ANK2: variants seen among roughly 807,000 people sequenced by gnomAD.
ANK2 encodes ankyrin-2.
ANK2 carries 83 observed loss-of-function variants against 360.5 expected under a neutral mutation model. That is an observed-to-expected ratio of 0.23 (90% confidence interval 0.19 to 0.28). The LOEUF (loss-of-function observed/expected upper bound fraction) is 0.28, where lower values mean the gene tolerates loss of function less well. Among genes scored for constraint, ANK2 ranks in the 10% least tolerant of loss-of-function variants. The pLI is 1.00. For missense variants in ANK2, 4,201 were observed against 4,795.7 expected (o/e 0.88, Z 3.66); for synonymous variants, 1,740 against 1,759.5 (o/e 0.99, Z 0.28).
chr4:113,331,017 C>T (rs2092314644), intron 27 of ANK2, among the ~76,000 whole-genome samples: 1 of 152,016 alleles, frequency 6.6e-6, no homozygotes, highest in South Asian at 2.1e-4. Context: ...ACAAATACAT[C>T]AAGACTAGCT....
intron 1 of ANK2, among the ~76,000 whole-genome samples, chr4:113,100,779 G>T (rs886095819): frequency 1.3e-5 from 2 of 152,062 alleles, no homozygotes; most frequent in African/African-American, 4.8e-5. Flanking sequence ...GTTTACAATG[G>T]AATATTATTC....
At chr4:112,861,869 A>AGAGAGAGAGAGAGAGAGAC in intron 1 of ANK2, among the ~76,000 whole-genome samples, 1 of 69,236 alleles carries the variant, frequency 1.4e-5, no homozygotes, top group Non-Finnish European at 3.0e-5. Context: ...GAGAGAGAGA[A>AGAGAGAGAGAGAGAGAGAC]ACTCTCACAG....
At chr4:113,261,060 G>A (rs2052590791) in intron 13 of ANK2, among the ~76,000 whole-genome samples, 1 of 152,216 alleles carries the variant, frequency 6.6e-6, no homozygotes, top group South Asian at 2.1e-4. Context: ...TAACAACTGA[G>A]AAGAGTGGCA....
chr4:113,256,585 T>C (rs1386565657), intron 11 of ANK2, among the ~76,000 whole-genome samples: 2 of 152,250 alleles, frequency 1.3e-5, no homozygotes, highest in Non-Finnish European at 2.9e-5. Flanking sequence ...TCTTCCTTGC[T>C]TCACTTATTT....
the ANK2 span, among the ~76,000 whole-genome samples, chr4:112,785,382 C>CT: frequency 5.5e-4 from 80 of 145,496 alleles, no homozygotes; most frequent in Non-Finnish European, 9.8e-4. Context: ...CCTTTTTTTC[C>CT]TTTTTTTTTG....
At chr4:113,366,560 C>T (rs571342302) in intron 41 of ANK2, among the ~76,000 whole-genome samples, 3 of 151,208 alleles carry the variant, frequency 2.0e-5, no homozygotes, top group Admixed American at 2.0e-4. Context: ...CACGCCTGGC[C>T]TCCTTGCCAT....
At chr4:112,891,779 G>T (rs965278718) in intron 1 of ANK2, among the ~76,000 whole-genome samples, 1 of 152,108 alleles carries the variant, frequency 6.6e-6, no homozygotes, top group Non-Finnish European at 1.5e-5. Flanking sequence ...CTATTATTAC[G>T]CATGGAGAAA....
intron 1 of ANK2, among the ~76,000 whole-genome samples, chr4:112,899,952 C>T (rs2082812622): frequency 6.6e-6 from 1 of 152,100 alleles, no homozygotes; most frequent in South Asian, 2.1e-4. Context: ...GAGGTCATCT[C>T]TCCATATAGA....
intron 2 of ANK2, among the ~76,000 whole-genome samples, chr4:112,969,955 C>A (rs1323419199): frequency 6.6e-6 from 1 of 151,962 alleles, no homozygotes; most frequent in Non-Finnish European, 1.5e-5. Context: ...TTTTATGTAA[C>A]AATACTGTTA....
intron 1 of ANK2, among the ~76,000 whole-genome samples, chr4:112,830,922 C>T (rs1579227537): frequency 6.6e-6 from 1 of 152,206 alleles, no homozygotes; most frequent in African/African-American, 2.4e-5. Context: ...GAGCCACCAG[C>T]CCCAGGCAGT....
At chr4:112,761,875 G>T in the ANK2 span, among the ~76,000 whole-genome samples, 2 of 152,128 alleles carry the variant, frequency 1.3e-5, no homozygotes, top group African/African-American at 4.8e-5. Flanking sequence ...TGAGCCTCCG[G>T]TAGGTTCTGA....
chr4:113,215,608 CAT>C (rs1161561631), intron 4 of ANK2, among the ~76,000 whole-genome samples: 1 of 152,026 alleles, frequency 6.6e-6, no homozygotes, highest in East Asian at 1.9e-4. Flanking sequence ...CTTGGTATAA[CAT>C]AGTTTTGGAA....
At chr4:113,107,630 GTCTA>G (rs760061234) in intron 1 of ANK2, among the ~76,000 whole-genome samples, 25 of 152,184 alleles carry the variant, frequency 1.6e-4, no homozygotes, top group African/African-American at 3.1e-4. Context: ...CTGGGGATGA[GTCTA>G]TCTATTTCCA....
chr4:112,728,591 A>C, the ANK2 span, among the ~76,000 whole-genome samples: 2 of 151,956 alleles, frequency 1.3e-5, no homozygotes, highest in Admixed American at 1.3e-4. Context: ...TCTCTACTAA[A>C]AATACAAAAA....
intron 2 of ANK2, among the ~76,000 whole-genome samples, chr4:112,928,511 G>A (rs937729791): frequency 2.0e-5 from 3 of 151,940 alleles, no homozygotes; most frequent in Non-Finnish European, 4.4e-5. Context: ...TTCGTATGTC[G>A]AAGTCCTAAC....
At chr4:113,369,373 T>G in intron 42 of ANK2, 141 bp from the exon 43 acceptor site, 1 of 879,014 alleles carries the variant, frequency 1.1e-6, no homozygotes, top group Non-Finnish European at 1.9e-6. Context: ...CAAATGTCCT[T>G]TCTTGGCCAA....
At chr4:112,955,975 C>G (rs1040563433) in intron 2 of ANK2, among the ~76,000 whole-genome samples, 1 of 152,164 alleles carries the variant, frequency 6.6e-6, no homozygotes, top group South Asian at 2.1e-4. Flanking sequence ...CCACAAAAAT[C>G]ATTAAAGTAA....
intron 1 of ANK2, among the ~76,000 whole-genome samples, chr4:113,110,244 T>A (rs1440206551): frequency 6.6e-6 from 1 of 152,114 alleles, no homozygotes; most frequent in African/African-American, 2.4e-5. Context: ...TATAAAATCA[T>A]GGGATCTTGT....
At chr4:113,223,972 G>A (rs1251509961) in intron 4 of ANK2, among the ~76,000 whole-genome samples, 1 of 149,480 alleles carries the variant, frequency 6.7e-6, no homozygotes, top group Non-Finnish European at 1.5e-5. Flanking sequence ...TGGTAGAGGG[G>A]TCAGTTTCTT....
Sources: gnomAD v4.1 joint callset for allele counts (sites outside exome capture counted in the v4.1 genomes callset) on GRCh38, gnomAD v4.1.1 for gene constraint, MANE v1.5 for transcripts, NCBI Gene and HGNC (gene_info 2026-07-23, HGNC 2026-07-21) for gene names.